Variants in TAS1R2 observed in about 807,000 individuals in gnomAD.
The protein encoded by TAS1R2 is taste 1 receptor member 2.
In TAS1R2, 47 loss-of-function variants were observed where a neutral mutation model predicts 49.3. The observed-to-expected ratio is 0.95, with a 90% CI of 0.75 to 1.22. The LOEUF (loss-of-function observed/expected upper bound fraction) is 1.22. Among genes scored for constraint, TAS1R2 ranks in the 50% most tolerant of loss-of-function variants. The pLI is 0.00. For missense variants in TAS1R2, 1,155 were observed against 1,122.1 expected, an observed-to-expected ratio of 1.03 and a Z score of -0.42; for synonymous variants, 479 against 467.9, an observed-to-expected ratio of 1.02 and a Z score of -0.31.
At chr1:18,855,887 G>C (rs1934130401) in intron 2 of TAS1R2, among the ~76,000 whole-genome samples, 1 of 152,006 alleles carries the variant, frequency 6.6e-6, no homozygotes, top group African/African-American at 2.4e-5. Context: ...AATCCTCTTG[G>C]CTCTACCTTT....
intron 2 of TAS1R2, among the ~76,000 whole-genome samples, chr1:18,856,246 T>C (rs1001651164): frequency 1.3e-5 from 2 of 152,170 alleles, no homozygotes; most frequent in African/African-American, 4.8e-5. Context: ...CCTCCTGGCC[T>C]TGGCACTTGC....
At chr1:18,843,518 C>T (rs553560479) in intron 4 of TAS1R2, among the ~76,000 whole-genome samples, 1 of 152,280 alleles carries the variant, frequency 6.6e-6, no homozygotes, top group Admixed American at 6.5e-5. Context: ...CTACTGCAAC[C>T]CGTTTATCAG....
At chr1:18,857,408 C>T in exon 2 of TAS1R2, 1 of 1,614,200 alleles carries the variant, frequency 6.2e-7, no homozygotes, top group South Asian at 1.1e-5. Context: ...ATGACAGCCA[C>T]CACACGGGAA....
At chr1:18,841,842 G>T (rs1324265357) in exon 5 of TAS1R2, 1 of 1,608,744 alleles carries the variant, frequency 6.2e-7, no homozygotes, top group Non-Finnish European at 8.5e-7. Context: ...GGAACACATG[G>T]ACATAGGGAT....
intron 3 of TAS1R2, among the ~76,000 whole-genome samples, chr1:18,851,976 G>C (rs988258945): frequency 1.3e-5 from 2 of 152,220 alleles, no homozygotes; most frequent in African/African-American, 2.4e-5. Flanking sequence ...GGGTGACTGA[G>C]AATTCATGTA....
At chr1:18,848,735 A>T (rs1933966680) in intron 4 of TAS1R2, among the ~76,000 whole-genome samples, 1 of 152,136 alleles carries the variant, frequency 6.6e-6, no homozygotes, top group Non-Finnish European at 1.5e-5. Context: ...CATACAAGGG[A>T]TCTAGGTTGC....
At chr1:18,847,289 A>G (rs1168313676) in intron 4 of TAS1R2, among the ~76,000 whole-genome samples, 3 of 152,200 alleles carry the variant, frequency 2.0e-5, no homozygotes, top group Admixed American at 2.0e-4. Flanking sequence ...CAGCTCTCAG[A>G]AGGAGCCAAC....
At chr1:18,840,422 G>A (rs779278635) in exon 6 of TAS1R2, 1 of 1,614,204 alleles carries the variant, frequency 6.2e-7, no homozygotes, top group Non-Finnish European at 8.5e-7. Flanking sequence ...CACAGCGATG[G>A]TGGGTGCCTC....
At chr1:18,851,616 A>G (rs1045703748) in intron 3 of TAS1R2, among the ~76,000 whole-genome samples, 40 of 152,144 alleles carry the variant, frequency 2.6e-4, no homozygotes, top group Admixed American at 6.5e-4. Flanking sequence ...GGTGTGAGCC[A>G]CCGCACCCGG....
At chr1:18,855,482 C>T (rs1211058566) in intron 2 of TAS1R2, among the ~76,000 whole-genome samples, 1 of 152,148 alleles carries the variant, frequency 6.6e-6, no homozygotes, top group Non-Finnish European at 1.5e-5. Context: ...GTTCCATCTC[C>T]TTTCCTGGTT....
At position 18,854,694 on chromosome 1, in the gene TAS1R2, G is replaced by C; in HGVS notation, c.776C>G (p.Thr259Ser). ...GCTCTGCTGCAGCTTGTCCACAATG[G>C]TCACCAGGCGCTGGCGCTCCTCTGA... The change falls in exon 3 of 6, where the codon ACC (threonine) becomes AGC (serine). Residue 259 changes from threonine (T) to serine (S), a missense_variant. By Grantham distance (58) the Thr-to-Ser change is moderately conservative. Transcript: ENST00000375371. The surrounding 1 kb of genome is among the most constrained non-coding windows in gnomAD (Gnocchi z 4.9). 3 of 1,613,788 alleles carry C rather than the reference G, an allele frequency of 1.9e-6. No individual in the cohort carries two copies. Among genetic ancestry groups the C allele is most frequent in the Non-Finnish European group, 2.5e-6 (3 of 1,179,950 alleles).
At chr1:18,846,859 C>A (rs28407332) in intron 4 of TAS1R2, among the ~76,000 whole-genome samples, 63,060 of 151,860 alleles carry the variant, frequency 0.42, 13,355 homozygotes, top group East Asian at 0.55. Context: ...GTGATTGGAT[C>A]ATGGGGATAG....
Position 18,854,821 on chromosome 1 carries a change from G to C in TAS1R2, c.649C>G (p.Arg217Gly). ...TCGCCAAGCAGCTGGCCATTGTCGC[G>C]GCCATAGGTGTCGCTGCTCACCAGC... The change falls in exon 3 of 6, where the codon CGC becomes GGC. Residue 217 changes from arginine to glycine, a missense_variant. Physicochemically the swap from Arg to Gly is moderately radical, Grantham distance 125. Coordinates refer to ENST00000375371, the Ensembl canonical transcript of TAS1R2. This position sits in a 1 kb window ranked among gnomAD's most constrained non-coding sequence, Gnocchi z 4.9. The C allele has an allele frequency of 6.2e-7, 1 of 1,607,344 alleles. No individual in the cohort carries two copies. The highest frequency in any genetic ancestry group is 1.1e-5 in the South Asian group (1 of 90,832).
chr1:18,842,377 G>C (rs1427122069), intron 4 of TAS1R2, among the ~76,000 whole-genome samples: 1 of 152,160 alleles, frequency 6.6e-6, no homozygotes, highest in East Asian at 1.9e-4. Flanking sequence ...GGAATATCTA[G>C]GGAAACCCAA....
chr1:18,859,562 G>T lies in TAS1R2; in HGVS notation c.99C>A (p.Tyr33Ter). The T allele has an allele frequency of 6.2e-7, 1 of 1,614,186 alleles. No individual in the cohort carries two copies. Among genetic ancestry groups the T allele is most frequent in the South Asian group, 1.1e-5 (1 of 91,084 alleles). The change falls in exon 1 of 6, where the codon TAC (tyrosine) becomes TAA (stop). Residue 33 changes from tyrosine (Y) to a stop codon, truncating the protein, a stop_gained. Transcript: ENST00000375371. LOFTEE classifies it high-confidence loss of function. ...GGAGGGAGAAGAGGCCACCCAGGAG[G>T]TAATCCCCAGGCAGGTAGAAGTCCG... is the stretch of plus-strand genomic sequence containing the variant.
chr1:18,845,109 G>A (rs773649940), intron 4 of TAS1R2, among the ~76,000 whole-genome samples: 1 of 152,110 alleles, frequency 6.6e-6, no homozygotes, highest in Non-Finnish European at 1.5e-5. Context: ...ATGCAGCATC[G>A]CCATCTGGGG....
rs372586253 is a variant in TAS1R2, at chr1:18,854,649, A to G, written c.821T>C (p.Val274Ala). 5.0e-6 allele frequency: 8 copies of G among 1,613,934 alleles called. No individual in the cohort carries two copies. The African/African-American group carries it at 8.0e-5, about 16-fold the overall frequency. The change falls in exon 3 of 6, where the codon GTG becomes GCG. Residue 274 changes from valine to alanine, a missense_variant. Physicochemically the swap from Val to Ala is moderately conservative, Grantham distance 64. Transcript: ENST00000375371. The surrounding 1 kb of genome is among the most constrained non-coding windows in gnomAD (Gnocchi z 4.9). ...GTACAGGGTCAGGTCGGGCGAGAAC[A>G]CGACCACGACGCGCGCTGTGCTCTG...
intron 4 of TAS1R2, among the ~76,000 whole-genome samples, chr1:18,847,744 A>G (rs1475225991): frequency 6.6e-6 from 1 of 152,208 alleles, no homozygotes; most frequent in Non-Finnish European, 1.5e-5. Context: ...AAACTAAAAC[A>G]AGAGTATCCA....
intron 3 of TAS1R2, among the ~76,000 whole-genome samples, chr1:18,850,254 G>A (rs1457284822): frequency 1.3e-5 from 2 of 152,228 alleles, no homozygotes; most frequent in East Asian, 1.9e-4. Context: ...GCAAGTTTCT[G>A]AACCTTGCTG....
Sources: gnomAD v4.1 joint callset for allele counts (sites outside exome capture counted in the v4.1 genomes callset) on GRCh38, gnomAD v4.1.1 for gene constraint, Gnocchi (gnomAD v3.1) non-coding constraint, MANE v1.5 for transcripts, NCBI Gene and HGNC (gene_info 2026-07-23, HGNC 2026-07-21) for gene names.